Variants in MYOF observed in about 807,000 individuals in gnomAD.
The protein encoded by MYOF is fer-1-like 3, myoferlin.
In MYOF, 244 loss-of-function variants were observed where a neutral mutation model predicts 284.2. The observed-to-expected ratio is 0.86, with a 90% confidence interval of 0.77 to 0.95. The LOEUF (loss-of-function observed/expected upper bound fraction) is 0.95. Among genes scored for constraint, MYOF ranks in the 40% least tolerant of loss-of-function variants. MYOF has a pLI of 0.00. For synonymous variants in MYOF, 904 were observed against 919.7 expected, an observed-to-expected ratio of 0.98 and a Z score of 0.31; for missense variants, 2,496 against 2,560.6, an observed-to-expected ratio of 0.97 and a Z score of 0.54.
At chr10:93,454,427 A>T (rs1453360553) in intron 2 of MYOF, among the ~76,000 whole-genome samples, 1 of 152,202 alleles carries the variant, frequency 6.6e-6, no homozygotes, top group Admixed American at 6.5e-5. Flanking sequence ...ACGTGGCTTG[A>T]TCTCAATCTC....
intron 1 of MYOF, among the ~76,000 whole-genome samples, chr10:93,476,245 C>CTTTTT (rs67108011): frequency 1.5e-5 from 1 of 64,996 alleles, no homozygotes; most frequent in Non-Finnish European, 2.6e-5. Flanking sequence ...CTTCCCCATT[C>CTTTTT]TTTTTTTTTT....
At chr10:93,374,215 T>G (rs1390664333) in intron 23 of MYOF, among the ~76,000 whole-genome samples, 1 of 152,250 alleles carries the variant, frequency 6.6e-6, no homozygotes, top group African/African-American at 2.4e-5. Flanking sequence ...GGCTGCATAG[T>G]AGTCCATGGT....
intron 53 of MYOF, 120 bp from the exon 54 acceptor site, chr10:93,307,121 G>T: frequency 1.1e-6 from 1 of 912,622 alleles, no homozygotes; most frequent in Non-Finnish European, 1.7e-6. Context: ...TCTTGTTGGG[G>T]AGTGTCCTGT....
rs201726249 is a variant in MYOF, at chr10:93,452,148, A to G, written c.145-7T>C. The G allele has an allele frequency of 2.1e-4, 332 of 1,592,530 alleles. No homozygotes were observed. The highest frequency in any genetic ancestry group is 2.7e-4 in the Non-Finnish European group (311 of 1,169,834). On this transcript the variant is annotated splice_region_variant and splice_polypyrimidine_tract_variant and intron_variant, in intron 2 of 53. Coordinates refer to ENST00000359263, the MANE Select transcript of MYOF (RefSeq NM_013451.4). Reference sequence around the variant, plus strand: ...TCAAGTCAAACTCCAAAATCTGTTCACAGAAAGGTTTTGAAAAAAGAGAAA... The same window carrying G: ...TCAAGTCAAACTCCAAAATCTGTTCGCAGAAAGGTTTTGAAAAAAGAGAAA...
intron 19 of MYOF, among the ~76,000 whole-genome samples, chr10:93,385,109 C>T (rs1846302977): frequency 6.6e-6 from 1 of 152,182 alleles, no homozygotes; most frequent in Admixed American, 6.5e-5. Context: ...AAAATACATT[C>T]GGTCACATCC....
At chr10:93,310,337 G>T (rs1589367335) in intron 52 of MYOF, among the ~76,000 whole-genome samples, 170 bp from the exon 53 acceptor site, 1 of 152,182 alleles carries the variant, frequency 6.6e-6, no homozygotes, top group Non-Finnish European at 1.5e-5. Flanking sequence ...AGCTTCCTAA[G>T]ATGCTGAACT....
intron 1 of MYOF, among the ~76,000 whole-genome samples, chr10:93,474,178 G>T (rs972466615): frequency 1.3e-5 from 2 of 152,136 alleles, no homozygotes; most frequent in Non-Finnish European, 1.5e-5. Context: ...CCAGTCCTGG[G>T]ATGAGCTCCA....
At chr10:93,407,846 C>T (rs1317864519) in intron 7 of MYOF, among the ~76,000 whole-genome samples, 11 of 151,808 alleles carry the variant, frequency 7.2e-5, no homozygotes. Flanking sequence ...CAGCCAAGTA[C>T]GTTTTGACAC....
intron 5 of MYOF, among the ~76,000 whole-genome samples, chr10:93,423,629 T>C (rs926642583): frequency 2.0e-5 from 3 of 149,462 alleles, no homozygotes; most frequent in South Asian, 2.1e-4. Flanking sequence ...GTCAGGAGAT[T>C]GAGACCATCC....
At chr10:93,327,025 G>A (rs1213260104) in intron 45 of MYOF, among the ~76,000 whole-genome samples, 3 of 152,040 alleles carry the variant, frequency 2.0e-5, no homozygotes, top group Non-Finnish European at 4.4e-5. Context: ...TGGAGACGTA[G>A]TCAAACACTG....
chr10:93,312,957 G>C (rs1379468734), intron 51 of MYOF, 63 bp downstream of exon 51: 3 of 1,501,586 alleles, frequency 2.0e-6, no homozygotes, highest in African/African-American at 1.4e-5. Context: ...TATGGATAAA[G>C]GGCAAAACCT....
chr10:93,321,260 C>T (rs968500203), intron 48 of MYOF, among the ~76,000 whole-genome samples: 1 of 152,084 alleles, frequency 6.6e-6, no homozygotes, highest in Non-Finnish European at 1.5e-5. Flanking sequence ...TACTCTGCCT[C>T]AAAGAACCAC....
At chr10:93,465,256 G>A (rs2056975389) in intron 1 of MYOF, among the ~76,000 whole-genome samples, 1 of 152,196 alleles carries the variant, frequency 6.6e-6, no homozygotes. Context: ...CAAAGTTGGA[G>A]GATTAAGACA....
intron 1 of MYOF, among the ~76,000 whole-genome samples, chr10:93,467,262 C>A (rs1165479060): frequency 6.6e-6 from 1 of 151,196 alleles, no homozygotes; most frequent in Non-Finnish European, 1.5e-5. Context: ...GTGTGCTGCA[C>A]CCATTAACTC....
chr10:93,477,385 G>A (rs10882241), intron 1 of MYOF, among the ~76,000 whole-genome samples: 55,668 of 151,362 alleles, frequency 0.37, 13,182 homozygotes, highest in South Asian at 0.56. Flanking sequence ...CCAGCTACTC[G>A]GGAGACTGAG....
chr10:93,356,742 C>T lies in MYOF; in HGVS notation c.3227G>A (p.Trp1076Ter). The change falls in exon 30 of 54, where the codon TGG becomes TAG. Residue 1076 changes from tryptophan (W) to a stop codon, truncating the protein, a stop_gained. Transcript: ENST00000359263. LOFTEE classifies it high-confidence loss of function. ...RSSDTFRRRR[W>*]RRKMAPSETH... Reference sequence around the variant, plus strand: ...TTCTGAAGGAGCCATTTTTCTCCTCCAGCGTCTGCGGCGGAAGGTATCTGA... The same window carrying T: ...TTCTGAAGGAGCCATTTTTCTCCTCTAGCGTCTGCGGCGGAAGGTATCTGA... 1.2e-6 allele frequency: 2 copies of T among 1,614,170 alleles called. No individual in the cohort carries two copies. Among genetic ancestry groups the T allele is most frequent in the Non-Finnish European group, 1.7e-6 (2 of 1,180,026 alleles).
chr10:93,374,073 C>T (rs935677972), intron 23 of MYOF, among the ~76,000 whole-genome samples: 2 of 152,164 alleles, frequency 1.3e-5, no homozygotes, highest in Non-Finnish European at 2.9e-5. Context: ...CAAATGTTCT[C>T]ATTGTTCAGT....
At chr10:93,335,169 G>A (rs897141380) in intron 41 of MYOF, among the ~76,000 whole-genome samples, 8 of 152,286 alleles carry the variant, frequency 5.3e-5, no homozygotes, top group East Asian at 1.9e-4. Context: ...GTAGGACTTC[G>A]TCAGACCACA....
intron 5 of MYOF, among the ~76,000 whole-genome samples, chr10:93,410,001 G>C (rs2134128495): frequency 6.6e-6 from 1 of 152,314 alleles, no homozygotes; most frequent in South Asian, 2.1e-4. Context: ...AGATCACAGG[G>C]ACAATGAGAG....
Sources: gnomAD v4.1 joint callset for allele counts (sites outside exome capture counted in the v4.1 genomes callset) on GRCh38, gnomAD v4.1.1 for gene constraint, MANE v1.5 for transcripts, NCBI Gene and HGNC (gene_info 2026-07-23, HGNC 2026-07-21) for gene names.